NNT: variants seen among roughly 807,000 people sequenced by gnomAD.
The protein encoded by NNT is NAD(P) transhydrogenase, mitochondrial.
Under a neutral mutation model 104.8 loss-of-function variants are expected in NNT, and 50 were observed. The observed-to-expected ratio is 0.48, with a 90% CI of 0.38 to 0.60. The LOEUF is 0.60. Among genes scored for constraint, NNT ranks in the 20% least tolerant of loss-of-function variants. The pLI is 0.00. For missense variants in NNT, 1,131 were observed against 1,330.7 expected, an observed-to-expected ratio of 0.85 and a Z score of 2.33; for synonymous variants, 461 against 490.4, an observed-to-expected ratio of 0.94 and a Z score of 0.79.
At chr5:43,650,810 G>T (rs1189014372) in intron 12 of NNT, among the ~76,000 whole-genome samples, 2 of 152,154 alleles carry the variant, frequency 1.3e-5, no homozygotes, top group Admixed American at 6.5e-5. Flanking sequence ...ACAAAATGAT[G>T]TCTTGCTACA....
chr5:43,656,559 G>C, intron 15 of NNT, 94 bp from the exon 16 acceptor site: 1 of 1,161,248 alleles, frequency 8.6e-7, no homozygotes, highest in South Asian at 1.6e-5. Flanking sequence ...CATAATCCTT[G>C]GTTAGAGATG....
chr5:43,657,467 C>T (rs1361215009), intron 16 of NNT, among the ~76,000 whole-genome samples: 2 of 152,130 alleles, frequency 1.3e-5, no homozygotes, highest in African/African-American at 4.8e-5. Flanking sequence ...CACTGTTACT[C>T]ATGTTCTTTC....
chr5:43,639,114 G>A (rs536672152), intron 7 of NNT, among the ~76,000 whole-genome samples: 3 of 152,238 alleles, frequency 2.0e-5, no homozygotes, highest in African/African-American at 7.2e-5. Flanking sequence ...ACATAGCAAT[G>A]AGTTGTTAAA....
intron 19 of NNT, among the ~76,000 whole-genome samples, chr5:43,695,250 T>A (rs1287111372): frequency 1.3e-5 from 2 of 152,332 alleles, no homozygotes; most frequent in East Asian, 3.9e-4. Context: ...TCTTTTCAGG[T>A]CTTCCTTTTA....
intron 19 of NNT, among the ~76,000 whole-genome samples, chr5:43,681,231 G>A (rs376737207): frequency 1.4e-5 from 2 of 138,614 alleles, no homozygotes; most frequent in South Asian, 2.3e-4. Flanking sequence ...TTGCACTCCA[G>A]CCTGGGTGAC....
At chr5:43,637,468 C>T (rs1750993495) in intron 7 of NNT, among the ~76,000 whole-genome samples, 1 of 152,142 alleles carries the variant, frequency 6.6e-6, no homozygotes, top group Non-Finnish European at 1.5e-5. Flanking sequence ...ATGCCTTTAG[C>T]TGCCAGAAAC....
chr5:43,674,110 G>A lies in NNT; in HGVS notation c.2635-1401G>A, dbSNP rs376669221. On this transcript the variant is annotated intron_variant, in intron 17 of 21. Transcript: ENST00000344920. ...AGACATTTCAGGTTTTATTTTGTAT[G>A]TAACAATCTTAGACAAATTTGTCAG... is the stretch of plus-strand genomic sequence containing the variant. Among the ~76,000 whole-genome samples the A allele has an allele frequency of 3.4e-4, 51 of 151,692 alleles. 1 individual carries two copies. In the South Asian group the frequency reaches 0.01, roughly 30 times the overall value.
At chr5:43,634,702 G>T (rs1316178712) in intron 7 of NNT, among the ~76,000 whole-genome samples, 1 of 152,078 alleles carries the variant, frequency 6.6e-6, no homozygotes. Flanking sequence ...AACATCAAGG[G>T]TTGGTAACCA....
At chr5:43,652,503 C>A (rs1739818089) in intron 13 of NNT, among the ~76,000 whole-genome samples, 1 of 151,900 alleles carries the variant, frequency 6.6e-6, no homozygotes, top group Admixed American at 6.6e-5. Context: ...ATGTTTCCAA[C>A]CTGCAGTATT....
At chr5:43,643,644 AT>A in intron 7 of NNT, among the ~76,000 whole-genome samples, 1 of 152,160 alleles carries the variant, frequency 6.6e-6, no homozygotes, top group African/African-American at 2.4e-5. Flanking sequence ...ATTTATTGGC[AT>A]TTTCCTGTCT....
rs376666827 is a variant in NNT at position 43,633,767 on chromosome 5, C to A, written c.964+5380C>A. On this transcript the variant is annotated intron_variant, in intron 7 of 21. Coordinates refer to ENST00000344920, the MANE Select transcript of NNT (RefSeq NM_182977.3). Reference sequence around the variant, plus strand: ...TTGGTACAGTTCCTTTCATTTTTTTCAGTGCTGTCCCCAAATTCTTATAGA... The same window carrying A: ...TTGGTACAGTTCCTTTCATTTTTTTAAGTGCTGTCCCCAAATTCTTATAGA... 7.4e-4 allele frequency among the ~76,000 whole-genome samples: 112 copies of A among 152,250 alleles called. 2 individuals are homozygous for A. In the South Asian group the frequency reaches 0.023, roughly 31 times the overall value.
intron 17 of NNT, among the ~76,000 whole-genome samples, chr5:43,659,629 TGAGGCAGAGAATTGCTTGAACCCAG>T (rs1409715563): frequency 1.3e-5 from 2 of 152,052 alleles, no homozygotes; most frequent in Non-Finnish European, 2.9e-5. Flanking sequence ...CTTGGTAGGC[TGAGGCAGAGAATTGCTTGAACCCAG>T]GAGGCAGAGG....
intron 7 of NNT, among the ~76,000 whole-genome samples, chr5:43,641,082 C>T (rs1580015398): frequency 6.6e-6 from 1 of 151,712 alleles, no homozygotes; most frequent in Admixed American, 6.6e-5. Flanking sequence ...TATTTTTTAC[C>T]CAGATACCTA....
intron 17 of NNT, among the ~76,000 whole-genome samples, chr5:43,672,527 T>G (rs1284485661): frequency 6.6e-6 from 1 of 152,270 alleles, no homozygotes; most frequent in African/African-American, 2.4e-5. Flanking sequence ...GCTGCAGGTC[T>G]GTTGGAGTTT....
At chr5:43,612,307 C>G (rs1285309027) in intron 2 of NNT, among the ~76,000 whole-genome samples, 3 of 152,198 alleles carry the variant, frequency 2.0e-5, no homozygotes, top group Non-Finnish European at 4.4e-5. Flanking sequence ...TTATAAGGTG[C>G]AGCTGCTAGT....
chr5:43,700,900 C>A (rs1292647905), intron 20 of NNT, among the ~76,000 whole-genome samples: 1 of 152,110 alleles, frequency 6.6e-6, no homozygotes, highest in Non-Finnish European at 1.5e-5. Context: ...TGTCTAGATT[C>A]ACATAGCATT....
intron 1 of NNT, among the ~76,000 whole-genome samples, chr5:43,603,677 T>G (rs1157266969): frequency 6.6e-6 from 1 of 151,930 alleles, no homozygotes. Flanking sequence ...ATTTCGGCCC[T>G]CAAGATCGGG....
chr5:43,666,924 C>G, intron 17 of NNT: 1 of 1,581,668 alleles, frequency 6.3e-7, no homozygotes, highest in Non-Finnish European at 8.6e-7. Flanking sequence ...GCTTCCCAAG[C>G]TTGGGGTGGG....
rs147457922 is a variant in NNT, at chr5:43,702,683, C to G, written c.3058C>G (p.Pro1020Ala). 689 of 1,612,808 alleles carry G rather than the reference C, an allele frequency of 4.3e-4. 2 individuals carry two copies. Among genetic ancestry groups the G allele is most frequent in the Non-Finnish European group, 5.3e-4 (626 of 1,179,292 alleles). Residue 1020 changes from proline (P) to alanine (A), a missense_variant, in exon 21 of 22, where the codon CCC becomes GCC. Coordinates refer to ENST00000344920, the MANE Select transcript of NNT (RefSeq NM_182977.3). The stretch of plus-strand genomic sequence containing the variant: ...TGTTAATTCAGCAGCTCAAGAAGAT[C>G]CCAACTCTATTATTGCAGGCATGCC... ...DTVNSAAQEDPNSIIAGMPVL... is the reference protein window; with the variant it reads ...DTVNSAAQEDANSIIAGMPVL...
Sources: allele counts gnomAD v4.1 joint callset (sites outside exome capture counted in the v4.1 genomes callset), GRCh38; gene constraint gnomAD v4.1.1; transcripts MANE v1.5; gene names NCBI Gene and HGNC (gene_info 2026-07-23, HGNC 2026-07-21).